The following LRP1B variants were observed in gnomAD, a reference collection of about 807,000 sequenced individuals.
LRP1B encodes low-density lipoprotein receptor-related protein 1B.
LRP1B carries 217 observed loss-of-function variants against 556.6 expected under a neutral mutation model. That is an observed-to-expected ratio of 0.39 (90% CI 0.35 to 0.44). LRP1B has a LOEUF of 0.44. Among genes scored for constraint, LRP1B ranks in the 20% least tolerant of loss-of-function variants. The pLI, the probability that LRP1B is intolerant of heterozygous loss-of-function variation, is 1.00. For missense variants in LRP1B, 5,053 were observed against 5,620.8 expected (o/e 0.90, Z 3.23); for synonymous variants, 2,047 against 1,865.8 (o/e 1.10, Z -2.50).
intron 3 of LRP1B, among the ~76,000 whole-genome samples, chr2:141,370,734 G>A (rs1689200285): frequency 1.3e-5 from 2 of 152,080 alleles, no homozygotes; most frequent in Non-Finnish European, 2.9e-5. Context: ...CCAGTGTCTA[G>A]AAGAGTATTC....
intron 3 of LRP1B, among the ~76,000 whole-genome samples, chr2:141,406,159 C>T (rs1035347767): frequency 2.0e-5 from 3 of 152,112 alleles, no homozygotes; most frequent in Middle Eastern, 3.4e-3. Context: ...AAAATTGAGA[C>T]ACAAAGCTTT....
intron 3 of LRP1B, among the ~76,000 whole-genome samples, chr2:141,420,591 G>C (rs1680099992): frequency 6.6e-6 from 1 of 152,196 alleles, no homozygotes; most frequent in African/African-American, 2.4e-5. Flanking sequence ...AACATCTGAA[G>C]TATGCCAACA....
At chr2:140,330,580 G>C (rs1039495311) in intron 79 of LRP1B, among the ~76,000 whole-genome samples, 2 of 151,918 alleles carry the variant, frequency 1.3e-5, no homozygotes, top group African/African-American at 4.8e-5. Context: ...ACTTAATATA[G>C]ATTTAAGACT....
chr2:142,072,026 C>G (rs999294898), intron 1 of LRP1B, among the ~76,000 whole-genome samples: 3 of 151,978 alleles, frequency 2.0e-5, no homozygotes, highest in Non-Finnish European at 4.4e-5. Context: ...TCCTCTCCCT[C>G]TCTCATTCCC....
chr2:140,409,261 T>C (rs1684871710), intron 66 of LRP1B, among the ~76,000 whole-genome samples: 1 of 151,832 alleles, frequency 6.6e-6, no homozygotes, highest in Non-Finnish European at 1.5e-5. Flanking sequence ...TTTATAGGTA[T>C]AAACCTATAA....
chr2:141,167,028 G>A (rs774266581), intron 7 of LRP1B, among the ~76,000 whole-genome samples: 14 of 151,864 alleles, frequency 9.2e-5, no homozygotes, highest in African/African-American at 3.1e-4. Context: ...GTTGAAACAC[G>A]TTTACTTAGG....
chr2:140,249,045 GA>G (rs5834726), intron 86 of LRP1B, among the ~76,000 whole-genome samples: 135,599 of 150,208 alleles, frequency 0.9, 61,809 homozygotes, highest in East Asian at 0.97. Context: ...TCATTTAAAA[GA>G]AAAAAAAAAC....
At chr2:140,952,040 C>G in intron 18 of LRP1B, 100 bp from the exon 19 acceptor site, 1 of 829,478 alleles carries the variant, frequency 1.2e-6, no homozygotes, top group South Asian at 1.5e-5. Flanking sequence ...CTTCCCTGTT[C>G]TCTACAAAGG....
chr2:140,856,738 T>TAC (rs57220779), intron 27 of LRP1B, among the ~76,000 whole-genome samples: 6,808 of 148,294 alleles, frequency 0.046, 174 homozygotes, highest in South Asian at 0.094. Context: ...CTAAGAGAGA[T>TAC]ACACACACAC....
At chr2:141,754,068 T>C (rs1694235414) in intron 2 of LRP1B, among the ~76,000 whole-genome samples, 1 of 152,204 alleles carries the variant, frequency 6.6e-6, no homozygotes. Context: ...AACATAGTTA[T>C]CTGTTGGTCA....
intron 2 of LRP1B, among the ~76,000 whole-genome samples, chr2:141,485,143 A>C (rs1683076172): frequency 6.6e-6 from 1 of 152,164 alleles, no homozygotes; most frequent in South Asian, 2.1e-4. Context: ...GAGAGAAATT[A>C]GTCTGGGAGA....
chr2:141,588,542 T>C (rs951190011), intron 2 of LRP1B, among the ~76,000 whole-genome samples: 1 of 152,124 alleles, frequency 6.6e-6, no homozygotes, highest in African/African-American at 2.4e-5. Flanking sequence ...TTTTAGCCCC[T>C]CTCCAGCAGC....
In LRP1B at chr2:140,718,549, C is replaced by T. The variant is rs942740020; in HGVS notation, c.5759-1733G>A. ...CCTTTCCACATGAGTCTTGCTTTGC[C>T]GCTTAGAAAAGTATAGCTACAGATA... On this transcript the variant is annotated intron_variant, in intron 35 of 90. Coordinates refer to ENST00000389484, the MANE Select transcript of LRP1B (RefSeq NM_018557.3). Among the ~76,000 whole-genome samples the T allele has an allele frequency of 3.3e-5, 5 of 151,666 alleles. No homozygotes were observed. In the South Asian group the frequency reaches 6.3e-4, roughly 19 times the overall value.
chr2:140,405,155 C>A (rs943378914), intron 66 of LRP1B, among the ~76,000 whole-genome samples: 3 of 152,230 alleles, frequency 2.0e-5, no homozygotes, highest in South Asian at 2.1e-4. Flanking sequence ...TGAAAAAATT[C>A]TTTGAGATGA....
At chr2:140,661,603 G>T (rs1274426278) in intron 41 of LRP1B, among the ~76,000 whole-genome samples, 1 of 151,906 alleles carries the variant, frequency 6.6e-6, no homozygotes, top group African/African-American at 2.4e-5. Context: ...GGCAGTTGAG[G>T]CAGCAGTGAG....
chr2:140,429,523 G>A (rs909591748), intron 66 of LRP1B, among the ~76,000 whole-genome samples: 29 of 152,172 alleles, frequency 1.9e-4, no homozygotes, highest in East Asian at 1.4e-3. Flanking sequence ...GATAGCACCC[G>A]TTACTTCAGT....
At chr2:141,820,749 T>A (rs1696724226) in intron 1 of LRP1B, among the ~76,000 whole-genome samples, 1 of 152,194 alleles carries the variant, frequency 6.6e-6, no homozygotes, top group Non-Finnish European at 1.5e-5. Flanking sequence ...TGGAGCTCAT[T>A]CATCCTTGAA....
At chr2:141,056,455 A>G (rs1699180796) in intron 9 of LRP1B, among the ~76,000 whole-genome samples, 1 of 151,866 alleles carries the variant, frequency 6.6e-6, no homozygotes, top group Non-Finnish European at 1.5e-5. Context: ...CACTGTGCAA[A>G]GCTACCAATG....
intron 43 of LRP1B, among the ~76,000 whole-genome samples, chr2:140,553,672 C>A (rs1317279086): frequency 6.6e-6 from 1 of 151,898 alleles, no homozygotes; most frequent in African/African-American, 2.4e-5. Context: ...AATTACAATA[C>A]TTTGAGGAGG....
Sources: gnomAD v4.1 joint callset for allele counts (sites outside exome capture counted in the v4.1 genomes callset) on GRCh38, gnomAD v4.1.1 for gene constraint, MANE v1.5 for transcripts, NCBI Gene and HGNC (gene_info 2026-07-23, HGNC 2026-07-21) for gene names.